Variants in CNTN5 observed in about 807,000 individuals in gnomAD.
CNTN5 encodes contactin-5.
In CNTN5, 77 loss-of-function variants were observed where a neutral mutation model predicts 129.1. The ratio of observed to expected loss-of-function variants is 0.60; its 90% confidence interval spans 0.50 to 0.72. The LOEUF (loss-of-function observed/expected upper bound fraction) is 0.72. Among genes scored for constraint, CNTN5 ranks in the 30% least tolerant of loss-of-function variants. CNTN5 has a pLI of 0.00. For synonymous variants in CNTN5, 509 were observed against 465.6 expected (o/e 1.09, Z -1.20); for missense variants, 1,478 against 1,328.8 (o/e 1.11, Z -1.75).
At chr11:99,488,233 C>A (rs927647074) in intron 2 of CNTN5, among the ~76,000 whole-genome samples, 1 of 144,178 alleles carries the variant, frequency 6.9e-6, no homozygotes, top group African/African-American at 2.6e-5. Flanking sequence ...AGTGCAGTGG[C>A]GCGATCTCGG....
chr11:99,030,162 GT>G (rs1374233621), intron 1 of CNTN5, among the ~76,000 whole-genome samples: 2 of 152,202 alleles, frequency 1.3e-5, no homozygotes, highest in East Asian at 3.9e-4. Context: ...TTCTTTCCCT[GT>G]AAAAGATGAT....
intron 3 of CNTN5, among the ~76,000 whole-genome samples, chr11:99,625,808 T>A (rs1461809232): frequency 6.6e-6 from 1 of 151,932 alleles, no homozygotes; most frequent in South Asian, 2.1e-4. Context: ...TGAAAGATAC[T>A]TTTTAGATAT....
intron 3 of CNTN5, among the ~76,000 whole-genome samples, chr11:99,592,798 G>A (rs553595443): frequency 1.3e-5 from 2 of 152,282 alleles, no homozygotes; most frequent in South Asian, 4.1e-4. Context: ...TTGAGGAACT[G>A]TAGGAGGTGA....
At chr11:99,556,555 A>ATATATATATATATG (rs1491326635) in intron 3 of CNTN5, among the ~76,000 whole-genome samples, 2 of 792 alleles carry the variant, frequency 2.5e-3, no homozygotes, top group Non-Finnish European at 6.0e-3. Flanking sequence ...AGGCTTGGAA[A>ATATATATATATATG]TATATATATA....
At chr11:100,178,990 C>A (rs997674285) in intron 13 of CNTN5, among the ~76,000 whole-genome samples, 4 of 152,056 alleles carry the variant, frequency 2.6e-5, no homozygotes, top group African/African-American at 9.7e-5. Flanking sequence ...AAGTATGGGG[C>A]ACATGACCTG....
chr11:100,146,245 A>G (rs1163189474), intron 13 of CNTN5, among the ~76,000 whole-genome samples: 1 of 152,196 alleles, frequency 6.6e-6, no homozygotes, highest in Non-Finnish European at 1.5e-5. Context: ...TGTTCATTAA[A>G]TATTAGAAGA....
intron 3 of CNTN5, among the ~76,000 whole-genome samples, chr11:99,766,224 C>T (rs1298214231): frequency 6.6e-6 from 1 of 151,958 alleles, no homozygotes; most frequent in Non-Finnish European, 1.5e-5. Context: ...CTGGAAGTTG[C>T]CTTGATTGGA....
intron 8 of CNTN5, among the ~76,000 whole-genome samples, chr11:99,989,668 A>G (rs1938928049): frequency 6.6e-6 from 1 of 152,228 alleles, no homozygotes. Context: ...GTGGAAATTT[A>G]TGAAAATAAT....
At chr11:99,752,096 G>C (rs1001982599) in intron 3 of CNTN5, among the ~76,000 whole-genome samples, 13 of 152,002 alleles carry the variant, frequency 8.6e-5, no homozygotes, top group African/African-American at 3.1e-4. Flanking sequence ...AAATTACTCA[G>C]ACTAAGTTAT....
intron 1 of CNTN5, among the ~76,000 whole-genome samples, chr11:99,032,248 G>C (rs2135095472): frequency 6.6e-6 from 1 of 151,970 alleles, no homozygotes; most frequent in South Asian, 2.1e-4. Context: ...TGTCTTTATA[G>C]CAGCATGATT....
At chr11:100,096,348 T>C (rs143402635) in intron 13 of CNTN5, among the ~76,000 whole-genome samples, 2 of 152,234 alleles carry the variant, frequency 1.3e-5, no homozygotes, top group African/African-American at 2.4e-5. Flanking sequence ...GCGCTTTCAA[T>C]ATGTTAAGTA....
intron 3 of CNTN5, among the ~76,000 whole-genome samples, chr11:99,708,355 T>G (rs1954837776): frequency 6.6e-6 from 1 of 151,810 alleles, no homozygotes; most frequent in South Asian, 2.1e-4. Flanking sequence ...ATAATTTAAA[T>G]GCTTTAAATA....
intron 13 of CNTN5, among the ~76,000 whole-genome samples, chr11:100,178,196 C>T (rs1377688455): frequency 6.6e-6 from 1 of 152,154 alleles, no homozygotes; most frequent in Non-Finnish European, 1.5e-5. Context: ...GACAGTACAG[C>T]TGCCATCATG....
chr11:99,461,814 G>T, intron 2 of CNTN5, among the ~76,000 whole-genome samples: 1 of 151,978 alleles, frequency 6.6e-6, no homozygotes, highest in East Asian at 1.9e-4. Context: ...TTTAAAATGT[G>T]CAACTTTTTT....
intron 3 of CNTN5, among the ~76,000 whole-genome samples, chr11:99,737,868 A>C (rs1259368887): frequency 6.6e-6 from 1 of 152,148 alleles, no homozygotes; most frequent in Non-Finnish European, 1.5e-5. Context: ...TAACGTCACT[A>C]AAATAAAATA....
chr11:99,061,508 T>C (rs749298238), intron 1 of CNTN5, among the ~76,000 whole-genome samples: 24 of 152,114 alleles, frequency 1.6e-4, no homozygotes, highest in African/African-American at 5.8e-4. Context: ...CCTTGGCTTC[T>C]ACCTATTGCT....
At chr11:100,006,288 G>A (rs1405134659) in intron 9 of CNTN5, among the ~76,000 whole-genome samples, 1 of 152,110 alleles carries the variant, frequency 6.6e-6, no homozygotes, top group African/African-American at 2.4e-5. Context: ...TGGGGTGGCT[G>A]TGGCAATTTA....
intron 3 of CNTN5, among the ~76,000 whole-genome samples, chr11:99,581,145 A>G (rs1436412093): frequency 1.5e-5 from 2 of 134,558 alleles, no homozygotes; most frequent in Non-Finnish European, 3.1e-5. Flanking sequence ...AGCAGTTTTG[A>G]GTGAGTTTCT....
chr11:99,378,039 A>G (rs1281816843), intron 2 of CNTN5, among the ~76,000 whole-genome samples: 2 of 152,154 alleles, frequency 1.3e-5, no homozygotes, highest in Non-Finnish European at 2.9e-5. Context: ...AGGGTGTATA[A>G]TCAACCTAAT....
Sources: allele counts gnomAD v4.1 joint callset (sites outside exome capture counted in the v4.1 genomes callset), GRCh38; gene constraint gnomAD v4.1.1; transcripts MANE v1.5; gene names NCBI Gene and HGNC (gene_info 2026-07-23, HGNC 2026-07-21).